The following DNAJB6 variants were observed in gnomAD, a reference collection of about 807,000 sequenced individuals.
DNAJB6 encodes dnaJ homolog subfamily B member 6.
In DNAJB6, 16 loss-of-function variants were observed where a neutral mutation model predicts 42.7. The observed-to-expected ratio is 0.37, with a 90% CI of 0.25 to 0.57. DNAJB6 has a LOEUF of 0.57. DNAJB6 is among the 20% of genes least tolerant of loss of function. The pLI is 0.74. For synonymous variants in DNAJB6, 170 were observed against 163.5 expected (o/e 1.04, Z -0.30); for missense variants, 347 against 416.8 (o/e 0.83, Z 1.46).
chr7:157,348,205 G>C (rs1798786356), intron 1 of DNAJB6, among the ~76,000 whole-genome samples: 1 of 151,864 alleles, frequency 6.6e-6, no homozygotes, highest in Admixed American at 6.6e-5. Context: ...CGATTCTCCT[G>C]CCTCAGCCTC....
At chr7:157,371,422 A>T (rs758644612) in intron 5 of DNAJB6, among the ~76,000 whole-genome samples, 1 of 152,244 alleles carries the variant, frequency 6.6e-6, no homozygotes, top group Non-Finnish European at 1.5e-5. Flanking sequence ...TGTTGGACAC[A>T]TGGTATGCAG....
chr7:157,338,176 A>T (rs978935131), intron 1 of DNAJB6, among the ~76,000 whole-genome samples: 5 of 152,238 alleles, frequency 3.3e-5, no homozygotes, highest in Non-Finnish European at 7.3e-5. Flanking sequence ...GACGTTAACC[A>T]TTAAAGCTTG....
At chr7:157,411,370 A>C (rs867730265) in intron 9 of DNAJB6, 1 of 88,576 alleles carries the variant, frequency 1.1e-5, no homozygotes, top group Non-Finnish European at 2.3e-5. Context: ...GGTTCCCAGG[A>C]TCCCTGCACT....
intron 8 of DNAJB6, among the ~76,000 whole-genome samples, chr7:157,401,985 G>A (rs1275129414): frequency 6.6e-6 from 1 of 152,198 alleles, no homozygotes; most frequent in East Asian, 1.9e-4. Flanking sequence ...TTAGCAGAAG[G>A]CCTTGAGGGC....
intron 1 of DNAJB6, among the ~76,000 whole-genome samples, chr7:157,346,642 A>C (rs1439289540): frequency 1.3e-5 from 2 of 152,190 alleles, no homozygotes; most frequent in Non-Finnish European, 2.9e-5. Flanking sequence ...GGTAGCCTTG[A>C]AATTCTGAGG....
chr7:157,407,152 C>T (rs942142794), intron 8 of DNAJB6, among the ~76,000 whole-genome samples: 7 of 152,220 alleles, frequency 4.6e-5, no homozygotes, highest in Non-Finnish European at 8.8e-5. Context: ...CAACTGGCAG[C>T]GAGACTGGGC....
intron 3 of DNAJB6, among the ~76,000 whole-genome samples, chr7:157,365,953 C>G (rs1261587799): frequency 7.6e-6 from 1 of 132,402 alleles, no homozygotes; most frequent in East Asian, 2.6e-4. Context: ...TATGAGCTAC[C>G]TCGCGTGGCT....
At chr7:157,355,696 C>T (rs929997539) in intron 1 of DNAJB6, among the ~76,000 whole-genome samples, 2 of 152,256 alleles carry the variant, frequency 1.3e-5, no homozygotes, top group Admixed American at 6.5e-5. Context: ...GCAGGAGGAG[C>T]GCAGAGGTGA....
chr7:157,389,090 G>A (rs1801217426), intron 8 of DNAJB6, among the ~76,000 whole-genome samples: 1 of 152,210 alleles, frequency 6.6e-6, no homozygotes, highest in East Asian at 1.9e-4. Flanking sequence ...TGCACCTAGT[G>A]TGCTGAAGTA....
At chr7:157,340,997 T>TGTGTGTGCGCGCGC (rs902019051) in intron 1 of DNAJB6, among the ~76,000 whole-genome samples, 3 of 118,298 alleles carry the variant, frequency 2.5e-5, no homozygotes, top group African/African-American at 8.5e-5. Flanking sequence ...TGTGTGTGTG[T>TGTGTGTGCGCGCGC]GCGCGCGCGC....
chr7:157,363,056 C>T (rs1799682098), intron 2 of DNAJB6, 105 bp from the exon 3 acceptor site: 4 of 678,186 alleles, frequency 5.9e-6, no homozygotes, highest in Middle Eastern at 4.3e-4. Flanking sequence ...TTCATCTCAC[C>T]AGTTGGCAGC....
rs1554450163 is a variant in DNAJB6, at chr7:157,341,000, G to GCGCC, written c.-27+3859_-27+3860insCCGC. Among the ~76,000 whole-genome samples the GCGCC allele has an allele frequency of 1.6e-3, 242 of 147,624 alleles. 2 individuals are homozygous for GCGCC. Among genetic ancestry groups the GCGCC allele is most frequent in the African/African-American group, 6.2e-3 (238 of 38,474 alleles). On this transcript the variant is annotated intron_variant, in intron 1 of 9. Coordinates refer to ENST00000262177, the MANE Select transcript of DNAJB6 (RefSeq NM_058246.4). ...TGTGTGTGTGTGTGTGTGTGTGTGC[G>GCGCC]CGCGCGCAGGTGGAATCACCCTGTG... is the stretch of plus-strand genomic sequence containing the variant.
chr7:157,380,908 C>G (rs971656632), intron 5 of DNAJB6: 2 of 152,260 alleles, frequency 1.3e-5, no homozygotes, highest in African/African-American at 4.8e-5. Flanking sequence ...GGGTACCCAG[C>G]GTCTCAGGGT....
intron 8 of DNAJB6, among the ~76,000 whole-genome samples, chr7:157,387,377 C>G (rs1226280280): frequency 2.0e-5 from 3 of 152,134 alleles, no homozygotes; most frequent in Non-Finnish European, 2.9e-5. Flanking sequence ...AGCGGGACAG[C>G]GCCCTCTAGT....
Position 157,360,811 on chromosome 7 carries a change from C to G in DNAJB6, c.65+2174C>G, listed in dbSNP as rs74973001. 5.4e-3 allele frequency among the ~76,000 whole-genome samples: 816 copies of G among 152,284 alleles called. 12 individuals carry two copies. The highest frequency in any genetic ancestry group is 0.018 in the African/African-American group (756 of 41,548). On this transcript the variant is annotated intron_variant, in intron 2 of 9. Transcript: ENST00000262177. Reference sequence around the variant, plus strand: ...TGCATCTCTCCTGAGATACCAGACTCTTCCTGGGTTTGAGTCACACACCAT... The same window carrying G: ...TGCATCTCTCCTGAGATACCAGACTGTTCCTGGGTTTGAGTCACACACCAT...
At chr7:157,390,009 A>G (rs910177662) in intron 8 of DNAJB6, among the ~76,000 whole-genome samples, 14 of 152,214 alleles carry the variant, frequency 9.2e-5, no homozygotes, top group African/African-American at 3.1e-4. Flanking sequence ...CTCGGAGTGC[A>G]ACCCCAACAG....
In DNAJB6 at chr7:157,391,290, C is replaced by T. The variant is rs115127972; in HGVS notation, c.691+5679C>T. ...CTGCCAAATTGAGAACTTTGCTGCT[C>T]GTCAGCTCTAAGCCAAGTAACCTCT... On this transcript the variant is annotated intron_variant, in intron 8 of 9. Coordinates refer to ENST00000262177, the MANE Select transcript of DNAJB6 (RefSeq NM_058246.4). Among the ~76,000 whole-genome samples, 1,386 of 152,290 alleles carry T rather than the reference C, an allele frequency of 9.1e-3. 13 individuals carry two copies. The highest frequency in any genetic ancestry group is 0.031 in the African/African-American group (1,298 of 41,558).
intron 8 of DNAJB6, among the ~76,000 whole-genome samples, chr7:157,408,832 C>T (rs899453551): frequency 8.5e-5 from 13 of 152,236 alleles, no homozygotes; most frequent in Admixed American, 2.0e-4. Flanking sequence ...AGGATGGGGC[C>T]GCCCCTGGCG....
At chr7:157,351,737 A>T (rs28718284) in intron 1 of DNAJB6, among the ~76,000 whole-genome samples, 1 of 152,114 alleles carries the variant, frequency 6.6e-6, no homozygotes, top group Non-Finnish European at 1.5e-5. Flanking sequence ...GCCAAGGTGG[A>T]CAGATCACCT....
Sources: gnomAD v4.1 joint callset for allele counts (sites outside exome capture counted in the v4.1 genomes callset) on GRCh38, gnomAD v4.1.1 for gene constraint, MANE v1.5 for transcripts, NCBI Gene and HGNC (gene_info 2026-07-23, HGNC 2026-07-21) for gene names.